PAH: variants seen among roughly 807,000 people sequenced by gnomAD.
PAH encodes the protein phenylalanine hydroxylase.
In PAH, 64 loss-of-function variants were observed where a neutral mutation model predicts 62.0. That is an observed-to-expected ratio of 1.03 (90% CI 0.84 to 1.27). The LOEUF (loss-of-function observed/expected upper bound fraction) is 1.27. Ranked by LOEUF, PAH falls within the 50% of genes most tolerant of loss-of-function variation. The pLI is 0.00. For missense variants in PAH, 579 were observed against 542.8 expected (o/e 1.07, Z -0.66); for synonymous variants, 195 against 196.2 (o/e 0.99, Z 0.05).
At chr12:102,858,234 A>G (rs1286496623) in intron 5 of PAH, among the ~76,000 whole-genome samples, 1 of 152,208 alleles carries the variant, frequency 6.6e-6, no homozygotes, top group East Asian at 1.9e-4. Flanking sequence ...AAAGAAGGTC[A>G]CTACACAATG....
intron 5 of PAH, among the ~76,000 whole-genome samples, chr12:102,866,356 C>T (rs1002402652): frequency 6.6e-6 from 1 of 152,118 alleles, no homozygotes; most frequent in Non-Finnish European, 1.5e-5. Flanking sequence ...AGAGCAGGGC[C>T]CCCGCACAGT....
At chr12:102,878,210 C>T (rs1431392579) in intron 3 of PAH, among the ~76,000 whole-genome samples, 1 of 152,172 alleles carries the variant, frequency 6.6e-6, no homozygotes, top group Non-Finnish European at 1.5e-5. Flanking sequence ...CATGAGAACC[C>T]ATCTTCCCAT....
At position 102,866,703 on chromosome 12, in the gene PAH, G is replaced by A. The variant is rs751393308; in HGVS notation, c.442-40C>T. The A allele has an allele frequency of 6.6e-6, 10 of 1,508,240 alleles. No individual in the cohort carries two copies. In the South Asian group the frequency reaches 1.0e-4, roughly 15 times the overall value. The allele number at this position is 1,508,240 out of a possible 1,614,324, so 93.4% of individuals were successfully genotyped here. ...ACACCTGATTTTTCAAGGCTTCATA[G>A]GAAGAGGTCTGGTACCTTTATGAAT... On this transcript the variant is annotated intron_variant, in intron 4 of 12. Coordinates refer to ENST00000553106, the MANE Select transcript of PAH (RefSeq NM_000277.3).
intron 9 of PAH, 118 bp from the exon 10 acceptor site, chr12:102,844,549 GTCTA>G: frequency 1.4e-6 from 1 of 734,536 alleles, no homozygotes; most frequent in Non-Finnish European, 2.4e-6. Context: ...GTGTGTCTAT[GTCTA>G]TGAGGGTGTT....
chr12:102,904,415 T>C (rs1439755320), intron 2 of PAH, among the ~76,000 whole-genome samples: 1 of 152,082 alleles, frequency 6.6e-6, no homozygotes, highest in Admixed American at 6.5e-5. Flanking sequence ...CTAAACAGGG[T>C]CCCATGGTAA....
chr12:102,887,184 G>C (rs969360640), intron 3 of PAH, among the ~76,000 whole-genome samples: 1 of 151,984 alleles, frequency 6.6e-6, no homozygotes, highest in Non-Finnish European at 1.5e-5. Flanking sequence ...AAGAAAAAAG[G>C]GAAAGAAGAA....
intron 4 of PAH, among the ~76,000 whole-genome samples, chr12:102,871,681 G>C (rs1232335882): frequency 6.6e-6 from 1 of 152,066 alleles, no homozygotes; most frequent in East Asian, 1.9e-4. Flanking sequence ...CCAGCACTTT[G>C]GGAGTCCAAG....
intron 5 of PAH, among the ~76,000 whole-genome samples, chr12:102,859,140 G>C (rs1247060886): frequency 1.3e-5 from 2 of 151,906 alleles, no homozygotes; most frequent in Non-Finnish European, 2.9e-5. Context: ...TGATAAAGGG[G>C]ATATCACCAC....
chr12:102,846,948 T>C lies in PAH; in HGVS notation c.916A>G (p.Ile306Val), dbSNP rs62642934. 2.9e-5 allele frequency: 46 copies of C among 1,613,220 alleles called. No homozygotes were observed. Among genetic ancestry groups the C allele is most frequent in the Non-Finnish European group, 3.8e-5 (45 of 1,179,348 alleles). Residue 306 changes from isoleucine (I) to valine (V), a missense_variant, in exon 9 of 13, where the codon ATT (isoleucine) becomes GTT (valine). By Grantham distance (29) the Ile-to-Val change is conservative. Coordinates refer to ENST00000553106, the MANE Select transcript of PAH (RefSeq NM_000277.3). ...DRSFAQFSQE[I>V]GLASLGAPDE... ...GGTGCACCCAGAGAGGCAAGGCCAATTTCCTGTAATTGGGGGAAAATAGAA... is the reference window on the plus strand; with the variant it reads ...GGTGCACCCAGAGAGGCAAGGCCAACTTCCTGTAATTGGGGGAAAATAGAA...
In PAH at chr12:102,913,075, G is replaced by A. The variant is rs1322921588; in HGVS notation, c.61-177C>T. 2.0e-5 allele frequency among the ~76,000 whole-genome samples: 3 copies of A among 152,100 alleles called. No homozygotes were observed. The East Asian group carries it at 5.8e-4, about 29-fold the overall frequency. On this transcript the variant is annotated intron_variant, in intron 1 of 12. Transcript: ENST00000553106. The stretch of plus-strand genomic sequence containing the variant: ...GTGTGGTGGAAAATAAGTAAGTCCA[G>A]GGCAATTAAATGATCAATGATGCTA...
chr12:102,931,815 T>C (rs1191551476), intron 1 of PAH, among the ~76,000 whole-genome samples: 2 of 152,160 alleles, frequency 1.3e-5, no homozygotes, highest in African/African-American at 4.8e-5. Context: ...TTTTGCATCC[T>C]AGAACCCACC....
chr12:102,942,215 T>C (rs922801976), intron 1 of PAH, among the ~76,000 whole-genome samples: 2 of 152,038 alleles, frequency 1.3e-5, no homozygotes, highest in Non-Finnish European at 2.9e-5. Context: ...AACAACTTCA[T>C]AAAAGTTTCA....
chr12:102,937,891 G>A (rs1879158204), intron 1 of PAH, among the ~76,000 whole-genome samples: 1 of 152,090 alleles, frequency 6.6e-6, no homozygotes, highest in Admixed American at 6.6e-5. Flanking sequence ...TTGTTTGTCT[G>A]GGAAAGTCTT....
At chr12:102,869,556 A>T (rs1411587626) in intron 4 of PAH, among the ~76,000 whole-genome samples, 1 of 152,230 alleles carries the variant, frequency 6.6e-6, no homozygotes, top group Non-Finnish European at 1.5e-5. Context: ...AAGTAGCAGG[A>T]GATTCACACA....
chr12:102,892,236 T>C (rs894815453), intron 3 of PAH, among the ~76,000 whole-genome samples: 10 of 152,284 alleles, frequency 6.6e-5, no homozygotes, highest in Middle Eastern at 3.4e-3. Context: ...TTTTAAAAAA[T>C]GTTTCAGTGG....
chr12:102,929,333 C>A (rs35530614), intron 1 of PAH, among the ~76,000 whole-genome samples: 16,540 of 152,142 alleles, frequency 0.11, 1,054 homozygotes, highest in East Asian at 0.15. Flanking sequence ...GCTGTGAGAA[C>A]TTTTCCCTAG....
chr12:102,868,088 GTATATATATA>G, intron 4 of PAH, among the ~76,000 whole-genome samples: 1 of 45,246 alleles, frequency 2.2e-5, no homozygotes, highest in African/African-American at 1.0e-4. Context: ...ATGTGTGTGT[GTATATATATA>G]TATATACACA....
At chr12:102,886,949 G>T (rs559439138) in intron 3 of PAH, among the ~76,000 whole-genome samples, 2 of 152,110 alleles carry the variant, frequency 1.3e-5, no homozygotes, top group Non-Finnish European at 1.5e-5. Flanking sequence ...AGTTGGCAAC[G>T]CTGACTCTGT....
At chr12:102,917,267 G>T, upstream of PAH, 1 of 760,886 alleles carries the variant, frequency 1.3e-6, no homozygotes, top group Non-Finnish European at 2.3e-6. Flanking sequence ...CTCTTGCGTG[G>T]TGCATCTCCG....
Sources: gnomAD v4.1 joint callset for allele counts (sites outside exome capture counted in the v4.1 genomes callset) on GRCh38, gnomAD v4.1.1 for gene constraint, MANE v1.5 for transcripts, NCBI Gene and HGNC (gene_info 2026-07-23, HGNC 2026-07-21) for gene names.